BRDT: variants seen among roughly 807,000 people sequenced by gnomAD.
The protein encoded by BRDT is bromodomain testis associated.
BRDT carries 77 observed loss-of-function variants against 113.9 expected under a neutral mutation model. The ratio of observed to expected loss-of-function variants is 0.68; its 90% confidence interval spans 0.56 to 0.82. BRDT has a LOEUF of 0.82. Among genes scored for constraint, BRDT ranks in the 40% least tolerant of loss-of-function variants. BRDT has a pLI of 0.00. For missense variants in BRDT, 1,027 were observed against 1,105.4 expected, an observed-to-expected ratio of 0.93 and a Z score of 1.01; for synonymous variants, 358 against 366.5, an observed-to-expected ratio of 0.98 and a Z score of 0.26.
intron 15 of BRDT, among the ~76,000 whole-genome samples, chr1:91,999,496 T>C (rs1022833973): frequency 1.3e-5 from 2 of 152,200 alleles, no homozygotes; most frequent in African/African-American, 4.8e-5. Flanking sequence ...CTTTAGATGT[T>C]GATAATTCTC....
intron 1 of BRDT, among the ~76,000 whole-genome samples, chr1:91,955,182 G>A (rs1212213503): frequency 2.0e-5 from 3 of 152,100 alleles, no homozygotes. Context: ...TTGTCTGGGT[G>A]CGGTGGCTCA....
intron 4 of BRDT, among the ~76,000 whole-genome samples, chr1:91,972,039 A>G (rs1418062196): frequency 1.4e-5 from 2 of 138,422 alleles, no homozygotes; most frequent in Admixed American, 7.5e-5. Flanking sequence ...TTCTTCCTGT[A>G]TACTCATGTA....
chr1:91,981,628 G>A lies in BRDT; in HGVS notation c.1875G>A (p.Thr625=), dbSNP rs151227293. ...SRKRQTKSDK[T]QPSKAVENVS... is the part of the protein sequence containing the mutation. The stretch of plus-strand genomic sequence containing the variant: ...TTCTCTGTTTTGTAGCTGATAAAAC[G>A]CAACCATCCAAAGCTGTTGAAAATG... Residue 625 remains threonine, a synonymous_variant, in exon 12 of 19, where the codon ACG becomes ACA. Coordinates refer to ENST00000399546, the MANE Select transcript of BRDT (RefSeq NM_207189.4). 2.9e-5 allele frequency: 47 copies of A among 1,613,208 alleles called. No homozygotes were observed. The highest frequency in any genetic ancestry group is 4.0e-5 in the African/African-American group (3 of 74,968).
At chr1:91,968,350 A>G in intron 4 of BRDT, 90 bp downstream of exon 4, 2 of 1,495,696 alleles carry the variant, frequency 1.3e-6, no homozygotes, top group South Asian at 1.3e-5. Flanking sequence ...AAGGAGACAG[A>G]CATCCAGAAG....
chr1:91,991,633 A>G (rs938591701), intron 13 of BRDT, among the ~76,000 whole-genome samples: 3 of 152,176 alleles, frequency 2.0e-5, no homozygotes, highest in African/African-American at 7.2e-5. Context: ...CTACAGATAA[A>G]GCTTATAATT....
At chr1:91,985,262 G>C (rs760848824) in intron 12 of BRDT, among the ~76,000 whole-genome samples, 3 of 151,674 alleles carry the variant, frequency 2.0e-5, no homozygotes, top group Non-Finnish European at 1.5e-5. Flanking sequence ...GGGTTTCACC[G>C]TGTTAGCCAG....
chr1:91,982,507 G>A (rs989058221), intron 12 of BRDT, among the ~76,000 whole-genome samples: 52 of 152,284 alleles, frequency 3.4e-4, no homozygotes, highest in African/African-American at 1.2e-3. Flanking sequence ...TTTGGACACT[G>A]TTGTCCCTAA....
At chr1:91,992,012 AAAAAAAG>A (rs1685823735) in intron 13 of BRDT, among the ~76,000 whole-genome samples, 7 of 147,158 alleles carry the variant, frequency 4.8e-5, no homozygotes, top group African/African-American at 1.2e-4. Context: ...AAAAAAAAAA[AAAAAAAG>A]AAAAGAAAAA....
intron 18 of BRDT, among the ~76,000 whole-genome samples, chr1:92,010,522 A>G (rs1283692705): frequency 1.3e-5 from 2 of 151,948 alleles, no homozygotes; most frequent in Non-Finnish European, 2.9e-5. Context: ...CCTGTCCTTA[A>G]GGGATCTGCC....
chr1:91,984,276 T>C (rs1684995586), intron 12 of BRDT, among the ~76,000 whole-genome samples: 1 of 152,196 alleles, frequency 6.6e-6, no homozygotes, highest in African/African-American at 2.4e-5. Context: ...GCAGCTGTTA[T>C]TTTAAAGGCT....
At chr1:91,995,976 T>C (rs936225169) in intron 15 of BRDT, among the ~76,000 whole-genome samples, 2 of 152,128 alleles carry the variant, frequency 1.3e-5, no homozygotes, top group Non-Finnish European at 1.5e-5. Context: ...TGGAGATCAA[T>C]GGAGAAAATA....
chr1:91,994,278 C>T, intron 15 of BRDT, 24 bp downstream of exon 15: 1 of 1,553,554 alleles, frequency 6.4e-7, no homozygotes, highest in South Asian at 1.2e-5. Flanking sequence ...AAGTAAACAA[C>T]TGTTATTGAG....
intron 1 of BRDT, chr1:91,957,492 CAAAAAAA>C (rs34516666): frequency 1.3e-5 from 2 of 148,490 alleles, no homozygotes; most frequent in East Asian, 4.0e-4. Flanking sequence ...GACTCCATCT[CAAAAAAA>C]AAAAAATTTT....
chr1:91,996,515 G>T (rs957522493), intron 15 of BRDT, among the ~76,000 whole-genome samples: 2 of 152,170 alleles, frequency 1.3e-5, no homozygotes, highest in Non-Finnish European at 2.9e-5. Context: ...CCAAAGTTCT[G>T]GGATTACAGG....
At chr1:91,971,453 T>C (rs1488230937) in intron 4 of BRDT, among the ~76,000 whole-genome samples, 1 of 152,210 alleles carries the variant, frequency 6.6e-6, no homozygotes, top group African/African-American at 2.4e-5. Context: ...ACCAGAGTCA[T>C]GTCTTTGTTA....
Position 92,014,359 on chromosome 1 carries a change from C to G in BRDT, c.*85C>G. On this transcript the variant is annotated 3_prime_UTR_variant, in exon 19 of 19. Transcript: ENST00000399546. ...TGGTAAAATGATTGCTTTCAGATAACAAGATACCAATCTTATATTGTATTT... is the reference window on the plus strand; with the variant it reads ...TGGTAAAATGATTGCTTTCAGATAAGAAGATACCAATCTTATATTGTATTT... 3.4e-6 allele frequency: 3 copies of G among 891,274 alleles called. No individual in the cohort carries two copies. The highest frequency in any genetic ancestry group is 5.1e-6 in the Non-Finnish European group (3 of 587,140). The allele number at this position is 891,274 out of a possible 1,614,324, so 55.2% of individuals were successfully genotyped here. A position where few individuals can be genotyped will look rare whatever the true frequency, so the allele number is the denominator to read the frequency against.
intron 1 of BRDT, among the ~76,000 whole-genome samples, chr1:91,958,996 C>G (rs1682104959): frequency 6.6e-6 from 1 of 151,944 alleles, no homozygotes; most frequent in Non-Finnish European, 1.5e-5. Flanking sequence ...CTGCAGTGAG[C>G]CAAGATCATA....
chr1:91,979,430 C>A, intron 7 of BRDT, 139 bp from the exon 8 acceptor site: 1 of 836,928 alleles, frequency 1.2e-6, no homozygotes. Context: ...AGTCTTAATA[C>A]GTTTCTTCTG....
intron 15 of BRDT, among the ~76,000 whole-genome samples, chr1:91,995,205 A>G (rs1156719055): frequency 1.3e-5 from 2 of 152,106 alleles, no homozygotes; most frequent in Admixed American, 6.6e-5. Context: ...GGCCTAGGTT[A>G]AGGGCAGATA....
Sources: allele counts gnomAD v4.1 joint callset (sites outside exome capture counted in the v4.1 genomes callset), GRCh38; gene constraint gnomAD v4.1.1; transcripts MANE v1.5; gene names NCBI Gene and HGNC (gene_info 2026-07-23, HGNC 2026-07-21).